RPS6KC1: variants seen among roughly 807,000 people sequenced by gnomAD.
RPS6KC1 encodes the protein inactive ribosomal protein S6 kinase delta-1.
In RPS6KC1, 54 loss-of-function variants were observed where a neutral mutation model predicts 103.8. That is an observed-to-expected ratio of 0.52 (90% CI 0.42 to 0.65). RPS6KC1 has a LOEUF of 0.65. Among genes scored for constraint, RPS6KC1 ranks in the 30% least tolerant of loss-of-function variants. The probability of loss-of-function intolerance (pLI) is 0.00; values close to 1 mark genes in which losing one functional copy is unlikely to be tolerated. For synonymous variants in RPS6KC1, 439 were observed against 438.7 expected, an observed-to-expected ratio of 1.00 and a Z score of -0.01; for missense variants, 1,151 against 1,253.8, an observed-to-expected ratio of 0.92 and a Z score of 1.24.
chr1:213,776,110 A>G, the RPS6KC1 span, among the ~76,000 whole-genome samples: 2 of 152,138 alleles, frequency 1.3e-5, no homozygotes, highest in Non-Finnish European at 2.9e-5. Context: ...AATGTCTTCA[A>G]CTCATCAAGT....
At chr1:213,500,755 G>A in the RPS6KC1 span, among the ~76,000 whole-genome samples, 1 of 152,220 alleles carries the variant, frequency 6.6e-6, no homozygotes, top group Admixed American at 6.5e-5. Context: ...TATGTGGTGC[G>A]TGACTGCATT....
At chr1:213,140,953 A>G (rs2086956491) in intron 6 of RPS6KC1, among the ~76,000 whole-genome samples, 5 of 150,044 alleles carry the variant, frequency 3.3e-5, no homozygotes, top group Admixed American at 2.7e-4. Flanking sequence ...TGGGAGTGCA[A>G]TGGCGTGATC....
At chr1:213,832,057 T>C in the RPS6KC1 span, among the ~76,000 whole-genome samples, 1 of 152,194 alleles carries the variant, frequency 6.6e-6, no homozygotes, top group Non-Finnish European at 1.5e-5. Flanking sequence ...CCAAGACCCA[T>C]GTATTTGGTC....
intron 6 of RPS6KC1, among the ~76,000 whole-genome samples, chr1:213,142,715 C>T (rs921762586): frequency 1.2e-4 from 18 of 152,090 alleles, no homozygotes; most frequent in African/African-American, 4.1e-4. Context: ...AACATAAAAG[C>T]AGTATTCCCT....
the RPS6KC1 span, among the ~76,000 whole-genome samples, chr1:213,716,706 A>G: frequency 6.6e-6 from 1 of 152,180 alleles, no homozygotes; most frequent in Admixed American, 6.5e-5. Context: ...GGGTATATAT[A>G]TAGTTTCCTA....
chr1:213,725,894 TC>T, the RPS6KC1 span, among the ~76,000 whole-genome samples: 3 of 152,224 alleles, frequency 2.0e-5, no homozygotes, highest in African/African-American at 7.2e-5. Context: ...AAATATGTTT[TC>T]CCAATTTGTG....
the RPS6KC1 span, among the ~76,000 whole-genome samples, chr1:213,484,091 T>C: frequency 2.0e-4 from 30 of 152,270 alleles, no homozygotes; most frequent in African/African-American, 7.2e-4. Context: ...AACAAGATTT[T>C]ATTTTACACT....
the RPS6KC1 span, among the ~76,000 whole-genome samples, chr1:213,306,559 A>G: frequency 1.1e-4 from 16 of 152,328 alleles, no homozygotes; most frequent in Admixed American, 8.5e-4. Flanking sequence ...GCTCAAGGTA[A>G]CCCAGGAATC....
At chr1:213,369,455 G>A in the RPS6KC1 span, among the ~76,000 whole-genome samples, 4 of 152,228 alleles carry the variant, frequency 2.6e-5, no homozygotes, top group Non-Finnish European at 5.9e-5. Context: ...GGTGGGAAGG[G>A]CACTGAATGG....
chr1:213,591,605 A>G, the RPS6KC1 span, among the ~76,000 whole-genome samples: 6 of 152,118 alleles, frequency 3.9e-5, no homozygotes, highest in African/African-American at 1.4e-4. Flanking sequence ...CAGCCTGATG[A>G]TGGTAGATCT....
At chr1:213,539,993 A>C in the RPS6KC1 span, among the ~76,000 whole-genome samples, 1 of 152,246 alleles carries the variant, frequency 6.6e-6, no homozygotes, top group African/African-American at 2.4e-5. Flanking sequence ...AAAAATGCTT[A>C]CCATGATCTG....
chr1:213,562,378 T>G, the RPS6KC1 span, among the ~76,000 whole-genome samples: 4 of 61,360 alleles, frequency 6.5e-5, no homozygotes, highest in Admixed American at 2.0e-4. Flanking sequence ...TTTTTTTTTT[T>G]TTTTTTTTTT....
the RPS6KC1 span, among the ~76,000 whole-genome samples, chr1:213,713,399 T>C: frequency 6.6e-6 from 1 of 152,242 alleles, no homozygotes; most frequent in Non-Finnish European, 1.5e-5. Flanking sequence ...TCATTAATCA[T>C]TTTTAATTCT....
At chr1:213,326,574 C>G in the RPS6KC1 span, among the ~76,000 whole-genome samples, 14 of 152,292 alleles carry the variant, frequency 9.2e-5, no homozygotes, top group African/African-American at 3.1e-4. Context: ...TATTACCCCC[C>G]CAAACAATAT....
chr1:213,406,919 T>C, the RPS6KC1 span, among the ~76,000 whole-genome samples: 1 of 152,196 alleles, frequency 6.6e-6, no homozygotes, highest in Non-Finnish European at 1.5e-5. Context: ...AGGCTTGACC[T>C]TAACTTCCCA....
chr1:213,484,473 G>A, the RPS6KC1 span, among the ~76,000 whole-genome samples: 4 of 152,196 alleles, frequency 2.6e-5, no homozygotes, highest in Non-Finnish European at 4.4e-5. Flanking sequence ...CTGTCCACAG[G>A]GTTGCTTCAC....
the RPS6KC1 span, among the ~76,000 whole-genome samples, chr1:213,435,174 C>G: frequency 6.6e-6 from 1 of 152,140 alleles, no homozygotes; most frequent in Non-Finnish European, 1.5e-5. Context: ...GTTAATTTCA[C>G]TTAGAATATT....
chr1:213,309,312 C>A, the RPS6KC1 span, among the ~76,000 whole-genome samples: 3 of 151,910 alleles, frequency 2.0e-5, no homozygotes, highest in African/African-American at 7.2e-5. Flanking sequence ...CAAAAACAAA[C>A]AAACAAACAA....
the RPS6KC1 span, among the ~76,000 whole-genome samples, chr1:213,719,006 G>A: frequency 6.6e-6 from 1 of 152,204 alleles, no homozygotes; most frequent in Non-Finnish European, 1.5e-5. Flanking sequence ...AAACAAAATT[G>A]GAGCAAACAC....
Sources: gnomAD v4.1 joint callset for allele counts (sites outside exome capture counted in the v4.1 genomes callset) on GRCh38, gnomAD v4.1.1 for gene constraint, MANE v1.5 for transcripts, NCBI Gene and HGNC (gene_info 2026-07-23, HGNC 2026-07-21) for gene names.